Variants in CLIC6 observed in about 807,000 individuals in gnomAD.
CLIC6 encodes chloride intracellular channel protein 6.
Under a neutral mutation model 49.2 loss-of-function variants are expected in CLIC6, and 39 were observed. That is an observed-to-expected ratio of 0.79 (90% CI 0.61 to 1.04). The LOEUF (loss-of-function observed/expected upper bound fraction) is 1.04. Among genes scored for constraint, CLIC6 ranks in the 50% least tolerant of loss-of-function variants. CLIC6 has a pLI of 0.00. For synonymous variants in CLIC6, 446 were observed against 433.4 expected (o/e 1.03, Z -0.36); for missense variants, 988 against 993.1 (o/e 0.99, Z 0.07).
At chr21:34,670,804 A>G in intron 1 of CLIC6, 42 bp downstream of exon 1, 1 of 1,562,852 alleles carries the variant, frequency 6.4e-7, no homozygotes, top group South Asian at 1.2e-5. Context: ...ACCCCCTTCC[A>G]TTCGAGGTCT....
chr21:34,687,527 C>A (rs1048998653), intron 1 of CLIC6, among the ~76,000 whole-genome samples: 2 of 152,158 alleles, frequency 1.3e-5, no homozygotes, highest in Middle Eastern at 3.4e-3. Flanking sequence ...TGGCAAATAC[C>A]AGTTTGTTTG....
At position 34,717,992 on chromosome 21, in the gene CLIC6, ATACG is replaced by A. The variant is rs2056097268; in HGVS notation, c.*1512_*1515del. On this transcript the variant is annotated 3_prime_UTR_variant, in exon 6 of 6. Coordinates refer to ENST00000349499, the MANE Select transcript of CLIC6 (RefSeq NM_053277.3). ...CAGCAGTCAGCTGTCTTTGTCAACC[ATACG>A]TTTTTGGAGATTGGGTCTAGCACAT... is the stretch of plus-strand genomic sequence containing the variant. The A allele has an allele frequency of 6.6e-6, 1 of 152,558 alleles. No homozygotes were observed. The highest frequency in any genetic ancestry group is 2.1e-4 in the South Asian group (1 of 4,834). The allele number at this position is 152,558 out of a possible 1,614,324, so 9.5% of individuals were successfully genotyped here.
chr21:34,670,183 G>A lies in CLIC6; in HGVS notation c.795G>A (p.Pro265=), dbSNP rs369616665. 8,871 of 886,000 alleles carry A rather than the reference G, an allele frequency of 0.01. 579 individuals are homozygous for A. In the African/African-American group the frequency reaches 0.15, roughly 15 times the overall value. 54.9% of individuals were successfully genotyped at this position (886,000 alleles called of 1,614,324 possible). A position where few individuals can be genotyped will look rare whatever the true frequency, so the allele number is the denominator to read the frequency against. ...PAGDGVEAGV[P]AGDSVEAEGP... ...GGGACGGCGTAGAAGCGGGGGTCCCGGCGGGGGACAGCGTAGAAGCCGAAG... is the reference window on the plus strand; with the variant it reads ...GGGACGGCGTAGAAGCGGGGGTCCCAGCGGGGGACAGCGTAGAAGCCGAAG... The change falls in exon 1 of 6, where the codon CCG becomes CCA. Residue 265 remains proline (P), a synonymous_variant. Transcript: ENST00000349499.
chr21:34,690,638 T>C (rs717578), intron 1 of CLIC6, among the ~76,000 whole-genome samples: 29,625 of 152,082 alleles, frequency 0.19, 2,996 homozygotes, highest in African/African-American at 0.23. Context: ...GTGTTCGCCA[T>C]ATGATTCGCA....
intron 5 of CLIC6, among the ~76,000 whole-genome samples, chr21:34,715,267 A>G (rs1179630072): frequency 6.6e-6 from 1 of 152,242 alleles, no homozygotes; most frequent in Non-Finnish European, 1.5e-5. Flanking sequence ...CCAGTAGCTC[A>G]GAATGTGACC....
At chr21:34,716,067 G>A (rs2056083488) in intron 5 of CLIC6, among the ~76,000 whole-genome samples, 1 of 152,206 alleles carries the variant, frequency 6.6e-6, no homozygotes, top group Admixed American at 6.5e-5. Context: ...CGGATTCCAA[G>A]ACCCATCTGT....
intron 1 of CLIC6, among the ~76,000 whole-genome samples, chr21:34,678,863 G>T (rs958469304): frequency 2.0e-5 from 3 of 152,016 alleles, no homozygotes; most frequent in African/African-American, 4.8e-5. Flanking sequence ...GTCTTCTTTC[G>T]CCCATGAAGC....
intron 1 of CLIC6, among the ~76,000 whole-genome samples, chr21:34,679,105 T>C (rs1989727666): frequency 1.3e-5 from 2 of 152,236 alleles, no homozygotes; most frequent in African/African-American, 4.8e-5. Context: ...TCTCACGCTG[T>C]TGTGAAGAAC....
At chr21:34,672,933 G>A (rs1456969956) in intron 1 of CLIC6, among the ~76,000 whole-genome samples, 2 of 152,204 alleles carry the variant, frequency 1.3e-5, no homozygotes, top group Non-Finnish European at 2.9e-5. Flanking sequence ...GTACACATGT[G>A]AGTTCCTATT....
chr21:34,671,863 G>GGT (rs754239606), intron 1 of CLIC6, among the ~76,000 whole-genome samples: 10 of 152,028 alleles, frequency 6.6e-5, no homozygotes, highest in Admixed American at 2.0e-4. Flanking sequence ...GGAAAGAAGG[G>GGT]GTGTGTGTGT....
intron 5 of CLIC6, 50 bp downstream of exon 5, chr21:34,709,588 T>C: frequency 2.6e-6 from 4 of 1,518,642 alleles, no homozygotes; most frequent in Non-Finnish European, 3.6e-6. Flanking sequence ...CGGGGCTTTG[T>C]TTTATTTTGT....
chr21:34,670,739 CACG>C lies in CLIC6; in HGVS notation c.1354_1356del (p.Asp452del). The C allele has an allele frequency of 1.9e-6, 3 of 1,600,260 alleles. No individual in the cohort carries two copies. Among genetic ancestry groups the C allele is most frequent in the Non-Finnish European group, 2.5e-6 (3 of 1,177,826 alleles). On this transcript the variant is annotated inframe_deletion, in exon 1 of 6. Coordinates refer to ENST00000349499, the MANE Select transcript of CLIC6 (RefSeq NM_053277.3). The stretch of plus-strand genomic sequence containing the variant: ...CGAGCCCCGGGCCCTGGGGCAGGAG[CACG>C]ACATCACCCTCTTCGTCAAGGTAAA...
intron 1 of CLIC6, among the ~76,000 whole-genome samples, chr21:34,675,258 A>AG (rs1282099327): frequency 6.6e-6 from 1 of 151,368 alleles, no homozygotes; most frequent in Non-Finnish European, 1.5e-5. Flanking sequence ...CCTCCAAAAA[A>AG]AAAAAAAAAA....
At chr21:34,706,117 C>A (rs1254981629) in intron 1 of CLIC6, 6 of 657,366 alleles carry the variant, frequency 9.1e-6, no homozygotes, top group African/African-American at 9.0e-5. Context: ...TGAATTGGCT[C>A]AAATGCTGCA....
At chr21:34,685,171 A>G (rs1209586775) in intron 1 of CLIC6, among the ~76,000 whole-genome samples, 1 of 152,142 alleles carries the variant, frequency 6.6e-6, no homozygotes, top group Non-Finnish European at 1.5e-5. Flanking sequence ...AGTAGGAAGA[A>G]GCTGATATGC....
intron 1 of CLIC6, among the ~76,000 whole-genome samples, chr21:34,707,079 G>A (rs1439080462): frequency 2.0e-5 from 3 of 152,124 alleles, no homozygotes; most frequent in Non-Finnish European, 2.9e-5. Context: ...GTGCATGTGC[G>A]TGCGTGTGTG....
chr21:34,715,453 C>G (rs1161816235), intron 5 of CLIC6, among the ~76,000 whole-genome samples: 1 of 152,154 alleles, frequency 6.6e-6, no homozygotes, highest in Non-Finnish European at 1.5e-5. Flanking sequence ...AAGGCACTGC[C>G]AGAAGTGGAG....
At position 34,670,327 on chromosome 21, in the gene CLIC6, C is replaced by G. The variant is rs967852346; in HGVS notation, c.939C>G (p.Val313=). ...SLSPQAEAIE[V]AAGESAGRSP... is the part of the protein sequence containing the mutation. Reference sequence around the variant, plus strand: ...CGCCCCAGGCCGAGGCAATTGAGGTCGCAGCCGGGGAGAGTGCGGGGCGCA... The same window carrying G: ...CGCCCCAGGCCGAGGCAATTGAGGTGGCAGCCGGGGAGAGTGCGGGGCGCA... The change falls in exon 1 of 6, where the codon GTC becomes GTG. Residue 313 remains valine, a synonymous_variant. Transcript: ENST00000349499. The G allele has an allele frequency of 1.7e-5, 24 of 1,445,886 alleles. No individual in the cohort carries two copies. Among genetic ancestry groups the G allele is most frequent in the South Asian group, 1.5e-4 (10 of 68,454 alleles). The allele number at this position is 1,445,886 out of a possible 1,614,324, so 89.6% of individuals were successfully genotyped here.
At chr21:34,682,897 T>C (rs11088293) in intron 1 of CLIC6, among the ~76,000 whole-genome samples, 128,470 of 147,580 alleles carry the variant, frequency 0.87, 56,102 homozygotes, top group African/African-American at 0.96. Flanking sequence ...CTGCAAGCTC[T>C]GCCTCCCAGG....
Sources: allele counts gnomAD v4.1 joint callset (sites outside exome capture counted in the v4.1 genomes callset), GRCh38; gene constraint gnomAD v4.1.1; transcripts MANE v1.5; gene names NCBI Gene and HGNC (gene_info 2026-07-23, HGNC 2026-07-21).